Variants in MORN1 observed in about 807,000 individuals in gnomAD.
MORN1 encodes MORN repeat containing 1, also known as MORN repeat-containing protein 1.
Under a neutral mutation model 61.9 loss-of-function variants are expected in MORN1, and 67 were observed. The ratio of observed to expected loss-of-function variants is 1.08; its 90% CI spans 0.89 to 1.33. The LOEUF is 1.33. Among genes scored for constraint, MORN1 ranks in the 40% most tolerant of loss-of-function variants. MORN1 has a pLI of 0.00. For synonymous variants in MORN1, 301 were observed against 292.0 expected (o/e 1.03, Z -0.31); for missense variants, 752 against 691.2 (o/e 1.09, Z -0.99).
chr1:2,347,078 A>C (rs1486556796), intron 10 of MORN1, among the ~76,000 whole-genome samples: 1 of 152,006 alleles, frequency 6.6e-6, no homozygotes, highest in Non-Finnish European at 1.5e-5. Context: ...GGAGATGGGG[A>C]GCTCTTGGGA....
At position 2,332,151 on chromosome 1, in the gene MORN1, C is replaced by T. The variant is rs546343171; in HGVS notation, c.1250+4318G>A. The T allele has an allele frequency of 5.0e-4, 87 of 174,286 alleles. No homozygotes were observed. The South Asian group carries it at 8.1e-3, about 16-fold the overall frequency. 10.8% of individuals were successfully genotyped at this position (174,286 alleles called of 1,614,324 possible). A position where few individuals can be genotyped will look rare whatever the true frequency, so the allele number is the denominator to read the frequency against. ...TGATGTGGGCTTTGAGGGAGCCAAC[C>T]GGTGGGGGGTGCACCAGGTGACCCC... On this transcript the variant is annotated intron_variant, in intron 12 of 13. Transcript: ENST00000378531.
chr1:2,391,544 A>G lies in MORN1; in HGVS notation c.-11T>C. 1 of 1,247,672 alleles carries G rather than the reference A, an allele frequency of 8.0e-7. No homozygotes were observed. Among genetic ancestry groups the G allele is most frequent in the Non-Finnish European group, 1.0e-6 (1 of 989,682 alleles). The allele number at this position is 1,247,672 out of a possible 1,614,324, so 77.3% of individuals were successfully genotyped here. A position where few individuals can be genotyped will look rare whatever the true frequency, so the allele number is the denominator to read the frequency against. On this transcript the variant is annotated 5_prime_UTR_variant, in exon 1 of 14. Transcript: ENST00000378531. Reference sequence around the variant, plus strand: ...GCCCGCCGCTGCCATCTTGCCGCCGAGGGTTCTCTTAGCGACCAGCAACGC... The same window carrying G: ...GCCCGCCGCTGCCATCTTGCCGCCGGGGGTTCTCTTAGCGACCAGCAACGC...
intron 8 of MORN1, among the ~76,000 whole-genome samples, chr1:2,370,611 C>T (rs927728810): frequency 1.3e-5 from 2 of 151,780 alleles, no homozygotes; most frequent in Non-Finnish European, 1.5e-5. Flanking sequence ...CTTATATCCG[C>T]AATAGGTAAA....
intron 6 of MORN1, chr1:2,375,157 T>C (rs1389669149): frequency 6.6e-6 from 1 of 152,264 alleles, no homozygotes; most frequent in Non-Finnish European, 1.5e-5. Flanking sequence ...AGCAGGGTGA[T>C]TATTTTCATG....
At chr1:2,383,366 C>T (rs1223521045) in intron 6 of MORN1, among the ~76,000 whole-genome samples, 4 of 152,142 alleles carry the variant, frequency 2.6e-5, no homozygotes, top group African/African-American at 7.2e-5. Flanking sequence ...AGCTTTGGCC[C>T]CTGGCACCCT....
In MORN1 at chr1:2,387,468, G is replaced by GTA; in HGVS notation, c.307_308dup (p.Lys104ThrfsTer116). 1 of 1,613,688 alleles carries GTA rather than the reference G, an allele frequency of 6.2e-7. No individual in the cohort carries two copies. Among genetic ancestry groups the GTA allele is most frequent in the Non-Finnish European group, 8.5e-7 (1 of 1,180,006 alleles). ...CCCCTTCATAACATCCGCCGGCTTT[G>GTA]TACTCCATGACGCCGTAGCCTTGAG... On this transcript the variant is annotated frameshift_variant, in exon 4 of 14. Coordinates refer to ENST00000378531, the MANE Select transcript of MORN1 (RefSeq NM_024848.3). LOFTEE classifies it high-confidence loss of function.
chr1:2,390,839 C>T, intron 1 of MORN1: 1 of 741,006 alleles, frequency 1.3e-6, no homozygotes, highest in Middle Eastern at 6.8e-4. Context: ...ACCTCCGCTT[C>T]CTGGGTTCAA....
chr1:2,380,524 A>G (rs1642348243), intron 6 of MORN1, among the ~76,000 whole-genome samples: 6 of 152,150 alleles, frequency 3.9e-5, no homozygotes, highest in Admixed American at 3.9e-4. Flanking sequence ...GGATTTTACC[A>G]TGACAAAATG....
At chr1:2,362,718 G>T (rs10797420) in intron 8 of MORN1, among the ~76,000 whole-genome samples, 1 of 151,938 alleles carries the variant, frequency 6.6e-6, no homozygotes, top group Non-Finnish European at 1.5e-5. Flanking sequence ...AAAAAAATTA[G>T]CTGGGTGTGG....
intron 6 of MORN1, among the ~76,000 whole-genome samples, chr1:2,383,812 T>C (rs1428694408): frequency 1.3e-5 from 2 of 152,204 alleles, no homozygotes; most frequent in Non-Finnish European, 2.9e-5. Flanking sequence ...TCAATTCCGC[T>C]AGTGCCTCAC....
intron 8 of MORN1, among the ~76,000 whole-genome samples, chr1:2,365,483 T>C (rs1194884835): frequency 6.8e-6 from 1 of 146,672 alleles, no homozygotes; most frequent in Non-Finnish European, 1.5e-5. Context: ...TTTCTAGATA[T>C]ACAATCATGT....
intron 6 of MORN1, among the ~76,000 whole-genome samples, chr1:2,383,660 C>A (rs539932345): frequency 6.6e-6 from 1 of 152,236 alleles, no homozygotes; most frequent in South Asian, 2.1e-4. Context: ...CTGTGACCTG[C>A]GCTGCGTTTA....
In MORN1 at chr1:2,322,915, G is replaced by A. The variant is rs191151490; in HGVS notation, c.1297+1182C>T. ...GCCACCGTGCGGCAGGCCGGGCCTCGACGGCCACGTGATCTAGCCCTGGGC... is the reference window on the plus strand; with the variant it reads ...GCCACCGTGCGGCAGGCCGGGCCTCAACGGCCACGTGATCTAGCCCTGGGC... On this transcript the variant is annotated intron_variant, in intron 13 of 13. Coordinates refer to ENST00000378531, the MANE Select transcript of MORN1 (RefSeq NM_024848.3). 3.3e-3 allele frequency: 3,286 copies of A among 985,414 alleles called. 10 individuals carry two copies. Among genetic ancestry groups the A allele is most frequent in the Non-Finnish European group, 3.8e-3 (3,190 of 829,916 alleles). 61.0% of individuals were successfully genotyped at this position (985,414 alleles called of 1,614,324 possible).
At chr1:2,342,887 T>A (rs1236162659) in intron 10 of MORN1, among the ~76,000 whole-genome samples, 1 of 113,284 alleles carries the variant, frequency 8.8e-6, no homozygotes, top group Admixed American at 8.8e-5. Context: ...TTTTATTTTA[T>A]TTTATTTTAT....
intron 8 of MORN1, among the ~76,000 whole-genome samples, chr1:2,368,226 G>A (rs1305096262): frequency 2.6e-5 from 4 of 152,262 alleles, no homozygotes; most frequent in Non-Finnish European, 5.9e-5. Context: ...GCAGGGCTTA[G>A]CCTGTGAGGG....
At chr1:2,322,454 C>T (rs1001729115) in intron 13 of MORN1, 16 of 982,972 alleles carry the variant, frequency 1.6e-5, no homozygotes, top group Middle Eastern at 5.2e-4. Flanking sequence ...GCGGCCTCCT[C>T]GGCCAGGCCA....
intron 10 of MORN1, among the ~76,000 whole-genome samples, chr1:2,353,657 C>T (rs770873840): frequency 6.6e-6 from 1 of 152,252 alleles, no homozygotes; most frequent in Non-Finnish European, 1.5e-5. Context: ...GATTCCGTTT[C>T]CTCTGCAGGG....
intron 10 of MORN1, chr1:2,350,650 T>TG (rs898943563): frequency 6.6e-6 from 1 of 152,224 alleles, no homozygotes; most frequent in African/African-American, 2.4e-5. Flanking sequence ...AATCTGGGCA[T>TG]GGGGGGCAGG....
At chr1:2,387,058 C>A (rs1194321908) in intron 4 of MORN1, 2 of 271,534 alleles carry the variant, frequency 7.4e-6, no homozygotes, top group Admixed American at 4.4e-5. Context: ...CATTTAGTGA[C>A]CCCACATAGA....
Sources: allele counts gnomAD v4.1 joint callset (sites outside exome capture counted in the v4.1 genomes callset), GRCh38; gene constraint gnomAD v4.1.1; transcripts MANE v1.5; gene names NCBI Gene and HGNC (gene_info 2026-07-23, HGNC 2026-07-21).